Variants in RORA observed in about 807,000 individuals in gnomAD.
The protein encoded by RORA is nuclear receptor ROR-alpha.
Under a neutral mutation model 69.5 loss-of-function variants are expected in RORA, and 7 were observed. The observed-to-expected ratio is 0.10, with a 90% CI of 0.06 to 0.19. The LOEUF (loss-of-function observed/expected upper bound fraction) is 0.19, where lower values mean the gene tolerates loss of function less well. Ranked by LOEUF, RORA falls within the 10% of genes least tolerant of loss-of-function variation. RORA has a pLI of 1.00. For synonymous variants in RORA, 261 were observed against 240.8 expected, an observed-to-expected ratio of 1.08 and a Z score of -0.78; for missense variants, 457 against 663.0, an observed-to-expected ratio of 0.69 and a Z score of 3.41.
At chr15:61,043,698 C>T (rs1388718320) in intron 1 of RORA, among the ~76,000 whole-genome samples, 2 of 152,090 alleles carry the variant, frequency 1.3e-5, no homozygotes, top group African/African-American at 4.8e-5. Context: ...AGATAAAGTA[C>T]CTTCTAATAT....
intron 1 of RORA, among the ~76,000 whole-genome samples, chr15:61,059,213 A>AG (rs957016901): frequency 2.0e-5 from 3 of 152,234 alleles, no homozygotes; most frequent in Non-Finnish European, 4.4e-5. Context: ...GCTGAGCCTC[A>AG]GGGGATGCCC....
In RORA at chr15:60,534,092, A is replaced by G. The variant is rs1178288591; in HGVS notation, c.197-2241T>C. 6.6e-6 allele frequency among the ~76,000 whole-genome samples: 1 copy of G among 152,236 alleles called. No homozygotes were observed. Among genetic ancestry groups the G allele is most frequent in the African/African-American group, 2.4e-5 (1 of 41,458 alleles). The stretch of plus-strand genomic sequence containing the variant: ...TGCATCTGGACAAACTGAAAATGAT[A>G]TGCAGTATTCCTGTACAGTCGGCCT... On this transcript the variant is annotated intron_variant, in intron 2 of 10. Coordinates refer to ENST00000335670, the MANE Select transcript of RORA (RefSeq NM_134261.3). This position sits in a 1 kb window ranked among gnomAD's most constrained non-coding sequence, Gnocchi z 5.0.
At chr15:60,763,800 C>T (rs1280353302) in intron 1 of RORA, 1 of 152,264 alleles carries the variant, frequency 6.6e-6, no homozygotes, top group Admixed American at 6.5e-5. Context: ...TTCCCACCTC[C>T]GGAGGCTTTT....
At chr15:60,802,647 T>C (rs1258626406) in intron 1 of RORA, among the ~76,000 whole-genome samples, 1 of 152,224 alleles carries the variant, frequency 6.6e-6, no homozygotes, top group African/African-American at 2.4e-5. Context: ...TATGTGCATG[T>C]CACGAGCCTG....
intron 1 of RORA, among the ~76,000 whole-genome samples, chr15:60,691,072 A>G (rs969219860): frequency 6.6e-6 from 1 of 152,054 alleles, no homozygotes; most frequent in Non-Finnish European, 1.5e-5. Context: ...AGCCATCTTA[A>G]ATTTTCTCTA....
intron 1 of RORA, among the ~76,000 whole-genome samples, chr15:60,803,566 C>T (rs2072617733): frequency 6.6e-6 from 1 of 152,182 alleles, no homozygotes; most frequent in Non-Finnish European, 1.5e-5. Flanking sequence ...GGCAGCATTG[C>T]AGAGCGGGAG....
intron 1 of RORA, among the ~76,000 whole-genome samples, chr15:60,885,973 C>T (rs765858337): frequency 7.9e-5 from 12 of 152,244 alleles, no homozygotes; most frequent in South Asian, 6.2e-4. Flanking sequence ...GGCAGCTTCT[C>T]TGCTGCCTCA....
At chr15:60,777,463 A>G (rs577669448) in intron 1 of RORA, among the ~76,000 whole-genome samples, 1 of 152,300 alleles carries the variant, frequency 6.6e-6, no homozygotes, top group East Asian at 1.9e-4. Context: ...CAACTCAAAT[A>G]TTTAATGTGT....
intron 1 of RORA, among the ~76,000 whole-genome samples, chr15:61,068,634 G>C (rs1354721865): frequency 1.3e-5 from 2 of 152,148 alleles, no homozygotes; most frequent in Non-Finnish European, 2.9e-5. Flanking sequence ...CTATAAAGCT[G>C]AGCTATCCAT....
intron 1 of RORA, among the ~76,000 whole-genome samples, chr15:61,097,472 G>A (rs763130185): frequency 2.6e-5 from 4 of 151,816 alleles, no homozygotes; most frequent in Non-Finnish European, 4.4e-5. Flanking sequence ...GTTCTCCAAG[G>A]GGGCTCCAGG....
intron 2 of RORA, among the ~76,000 whole-genome samples, chr15:60,655,058 G>T (rs989776791): frequency 6.6e-6 from 1 of 152,132 alleles, no homozygotes. Flanking sequence ...CTAGTATTGG[G>T]CTTGGTATAT....
At chr15:60,940,150 A>T in intron 1 of RORA, among the ~76,000 whole-genome samples, 1 of 152,226 alleles carries the variant, frequency 6.6e-6, no homozygotes, top group East Asian at 1.9e-4. Flanking sequence ...GATGGTGAAC[A>T]TTCTAAGATC....
chr15:60,892,365 G>A (rs1196335100), intron 1 of RORA, among the ~76,000 whole-genome samples: 5 of 152,132 alleles, frequency 3.3e-5, no homozygotes, highest in African/African-American at 1.2e-4. Flanking sequence ...TTTTTCCAGG[G>A]GAGGAGGGTA....
chr15:61,069,453 A>C (rs369818170), intron 1 of RORA, among the ~76,000 whole-genome samples: 11 of 152,330 alleles, frequency 7.2e-5, no homozygotes, highest in African/African-American at 2.2e-4. Context: ...AGTCACAAAA[A>C]GAGAGGGCAG....
chr15:60,841,693 C>T (rs776675004), intron 1 of RORA, among the ~76,000 whole-genome samples: 7 of 152,222 alleles, frequency 4.6e-5, no homozygotes, highest in Non-Finnish European at 7.3e-5. Context: ...GCCAACACCC[C>T]TCCACACACC....
intron 1 of RORA, among the ~76,000 whole-genome samples, chr15:60,774,564 G>C (rs1190281989): frequency 6.6e-6 from 1 of 152,216 alleles, no homozygotes; most frequent in African/African-American, 2.4e-5. Context: ...TCCCTACCCT[G>C]CTTACTGCCC....
chr15:60,626,816 G>GACTC (rs1416968618), intron 2 of RORA, among the ~76,000 whole-genome samples: 1 of 152,132 alleles, frequency 6.6e-6, no homozygotes. Context: ...GATAGTAACT[G>GACTC]ACTCACTCAC....
At chr15:61,104,483 T>C (rs2078923538) in intron 1 of RORA, among the ~76,000 whole-genome samples, 1 of 152,200 alleles carries the variant, frequency 6.6e-6, no homozygotes, top group Admixed American at 6.5e-5. Flanking sequence ...CCAGCTTTCA[T>C]GTTTATCTTC....
At chr15:60,566,957 A>T (rs2067730021) in intron 2 of RORA, among the ~76,000 whole-genome samples, 1 of 152,262 alleles carries the variant, frequency 6.6e-6, no homozygotes, top group African/African-American at 2.4e-5. Flanking sequence ...CTTATTTTCT[A>T]GGTGACTTAA....
Sources: gnomAD v4.1 joint callset for allele counts (sites outside exome capture counted in the v4.1 genomes callset) on GRCh38, gnomAD v4.1.1 for gene constraint, Gnocchi (gnomAD v3.1) non-coding constraint, MANE v1.5 for transcripts, NCBI Gene and HGNC (gene_info 2026-07-23, HGNC 2026-07-21) for gene names.